Variants in NEBL observed in about 807,000 individuals in gnomAD.
NEBL encodes nebulette.
A neutral mutation model predicts 140.2 loss-of-function variants in NEBL; 122 were observed. That is an observed-to-expected ratio of 0.87 (90% CI 0.75 to 1.01). The LOEUF (loss-of-function observed/expected upper bound fraction) is 1.01, where lower values mean the gene tolerates loss of function less well. NEBL is among the 50% of genes least tolerant of loss of function. NEBL has a pLI of 0.00. For synonymous variants in NEBL, 436 were observed against 398.9 expected (o/e 1.09, Z -1.11); for missense variants, 1,365 against 1,231.3 (o/e 1.11, Z -1.62).
chr10:21,074,723 C>T (rs1835984761), intron 2 of NEBL, among the ~76,000 whole-genome samples: 1 of 152,104 alleles, frequency 6.6e-6, no homozygotes, highest in Non-Finnish European at 1.5e-5. Context: ...CATGATCCGC[C>T]TGCCTCGGCC....
chr10:21,243,575 A>G (rs1293131728), intron 3 of NEBL, among the ~76,000 whole-genome samples: 12 of 151,970 alleles, frequency 7.9e-5, no homozygotes, highest in African/African-American at 2.9e-4. Flanking sequence ...CCTGGCCCAT[A>G]TTATCATTAA....
At chr10:20,795,385 G>C (rs977715546) in intron 26 of NEBL, among the ~76,000 whole-genome samples, 3 of 152,178 alleles carry the variant, frequency 2.0e-5, no homozygotes, top group Non-Finnish European at 4.4e-5. Flanking sequence ...GTATGTGGTT[G>C]ATGAGGTATG....
At chr10:20,854,273 A>G (rs1842827485) in intron 9 of NEBL, among the ~76,000 whole-genome samples, 1 of 152,140 alleles carries the variant, frequency 6.6e-6, no homozygotes, top group African/African-American at 2.4e-5. Flanking sequence ...GGAGCGGGAA[A>G]GAGCTGGCCA....
At chr10:20,821,934 A>G (rs1839359990) in intron 19 of NEBL, among the ~76,000 whole-genome samples, 2 of 152,152 alleles carry the variant, frequency 1.3e-5, no homozygotes, top group South Asian at 4.1e-4. Flanking sequence ...CACAAAACTC[A>G]GCTCTAAACC....
chr10:21,093,918 T>C (rs1359017847), intron 2 of NEBL, among the ~76,000 whole-genome samples: 2 of 152,244 alleles, frequency 1.3e-5, no homozygotes, highest in Non-Finnish European at 2.9e-5. Flanking sequence ...GAGATATTTT[T>C]TGCGGGAACC....
intron 3 of NEBL, among the ~76,000 whole-genome samples, chr10:20,998,491 TG>T (rs1837757850): frequency 6.6e-6 from 1 of 152,178 alleles, no homozygotes; most frequent in Non-Finnish European, 1.5e-5. Context: ...TCTCCACTCT[TG>T]CCAGGGCTCT....
Position 20,842,029 on chromosome 10 carries a change from A to G in NEBL, c.1228-1180T>C, listed in dbSNP as rs934197185. On this transcript the variant is annotated intron_variant, in intron 12 of 27. Transcript: ENST00000377122. ...TGCGTATGAAAATCATAAATATCTT[A>G]TTCCTATTCAACTAAGTTGCATTTA... 2.6e-5 allele frequency among the ~76,000 whole-genome samples: 4 copies of G among 152,086 alleles called. 1 individual carries two copies. Among genetic ancestry groups the G allele is most frequent in the African/African-American group, 9.7e-5 (4 of 41,416 alleles).
chr10:21,097,942 T>C (rs1837273263), intron 2 of NEBL, among the ~76,000 whole-genome samples: 1 of 152,204 alleles, frequency 6.6e-6, no homozygotes, highest in Admixed American at 6.5e-5. Context: ...AGACAAGTGT[T>C]ACTGCTGTAA....
chr10:21,250,112 C>T (rs767177857), intron 2 of NEBL, among the ~76,000 whole-genome samples: 3 of 152,064 alleles, frequency 2.0e-5, no homozygotes, highest in Non-Finnish European at 4.4e-5. Flanking sequence ...ATGGTTAATA[C>T]TGAGTGTCAA....
At chr10:21,099,453 A>C (rs1210751964) in intron 2 of NEBL, among the ~76,000 whole-genome samples, 1 of 152,078 alleles carries the variant, frequency 6.6e-6, no homozygotes, top group Non-Finnish European at 1.5e-5. Flanking sequence ...TCTCTGTCTC[A>C]TCAGCTCTCC....
At chr10:20,838,560 C>T (rs1276837439) in intron 13 of NEBL, among the ~76,000 whole-genome samples, 1 of 152,174 alleles carries the variant, frequency 6.6e-6, no homozygotes. Context: ...AAAACTTTGT[C>T]ATTAAAGCAG....
chr10:20,977,871 C>T (rs1200113114), intron 3 of NEBL, among the ~76,000 whole-genome samples: 2 of 152,148 alleles, frequency 1.3e-5, no homozygotes, highest in Non-Finnish European at 2.9e-5. Context: ...AATACAGCCC[C>T]GGTTTTATCT....
Position 20,880,343 on chromosome 10 carries a change from G to C in NEBL, c.480+451C>G, listed in dbSNP as rs138842278. Among the ~76,000 whole-genome samples, 768 of 152,292 alleles carry C rather than the reference G, an allele frequency of 5.0e-3. 4 individuals are homozygous for C. The highest frequency in any genetic ancestry group is 0.017 in the African/African-American group (699 of 41,542). On this transcript the variant is annotated intron_variant, in intron 5 of 27. Transcript: ENST00000377122. ...CCACTGCACTCCAGCCTGGGTGACAGAGCGAGGCTCTGTGTCAAAAAGAAA... is the reference window on the plus strand; with the variant it reads ...CCACTGCACTCCAGCCTGGGTGACACAGCGAGGCTCTGTGTCAAAAAGAAA...
intron 3 of NEBL, among the ~76,000 whole-genome samples, chr10:20,977,287 G>A (rs1836843964): frequency 6.6e-6 from 1 of 152,198 alleles, no homozygotes; most frequent in Non-Finnish European, 1.5e-5. Flanking sequence ...AAGTGAGGCT[G>A]TAAGGGATTT....
chr10:20,831,610 T>C, intron 14 of NEBL, 27 bp from the exon 15 acceptor site: 1 of 1,432,238 alleles, frequency 7.0e-7, no homozygotes. Context: ...ATACAGTTAG[T>C]GCTCTCCAAT....
chr10:21,083,062 T>C (rs1015957120), intron 2 of NEBL, among the ~76,000 whole-genome samples: 1 of 152,184 alleles, frequency 6.6e-6, no homozygotes, highest in Non-Finnish European at 1.5e-5. Flanking sequence ...GCACTTGACC[T>C]GAATGCACCC....
intron 7 of NEBL, among the ~76,000 whole-genome samples, chr10:20,863,824 G>A (rs1843982360): frequency 6.6e-6 from 1 of 152,086 alleles, no homozygotes; most frequent in African/African-American, 2.4e-5. Context: ...ATCGTATTAA[G>A]AACTGTAAAG....
intron 2 of NEBL, among the ~76,000 whole-genome samples, chr10:21,037,589 T>A (rs1199008112): frequency 7.9e-5 from 12 of 151,816 alleles, no homozygotes. Flanking sequence ...TTTTAGGGAG[T>A]GATGAAATGT....
intron 2 of NEBL, among the ~76,000 whole-genome samples, chr10:21,102,598 C>T (rs2131993747): frequency 6.6e-6 from 1 of 152,298 alleles, no homozygotes; most frequent in South Asian, 2.1e-4. Flanking sequence ...GTCTTACTGG[C>T]ATGCTTGACA....
Sources: gnomAD v4.1 joint callset for allele counts (sites outside exome capture counted in the v4.1 genomes callset) on GRCh38, gnomAD v4.1.1 for gene constraint, MANE v1.5 for transcripts, NCBI Gene and HGNC (gene_info 2026-07-23, HGNC 2026-07-21) for gene names.